VWA3B: variants seen among roughly 807,000 people sequenced by gnomAD.
VWA3B encodes the protein von Willebrand factor A domain containing 3B.
A neutral mutation model predicts 158.3 loss-of-function variants in VWA3B; 138 were observed. The ratio of observed to expected loss-of-function variants is 0.87; its 90% CI spans 0.76 to 1.00. The LOEUF (loss-of-function observed/expected upper bound fraction) is 1.00. Ranked by LOEUF, VWA3B falls within the 50% of genes least tolerant of loss-of-function variation. The pLI, the probability that VWA3B is intolerant of heterozygous loss-of-function variation, is 0.00. For synonymous variants in VWA3B, 596 were observed against 587.3 expected, an observed-to-expected ratio of 1.01 and a Z score of -0.21; for missense variants, 1,555 against 1,565.1, an observed-to-expected ratio of 0.99 and a Z score of 0.11.
chr2:98,321,767 T>C, the VWA3B span, among the ~76,000 whole-genome samples: 1 of 152,176 alleles, frequency 6.6e-6, no homozygotes. Context: ...GTTAAGACTT[T>C]GGGGTACTGT....
chr2:98,187,653 C>T (rs537641529), intron 9 of VWA3B, among the ~76,000 whole-genome samples: 6 of 132,144 alleles, frequency 4.5e-5, no homozygotes, highest in Admixed American at 3.2e-4. Context: ...TCTCCCTCTC[C>T]GTCTCTGTGT....
chr2:98,285,995 T>C (rs75163789), intron 22 of VWA3B, among the ~76,000 whole-genome samples: 3,311 of 152,212 alleles, frequency 0.022, 115 homozygotes, highest in African/African-American at 0.075. Flanking sequence ...TTCCACTTAT[T>C]TTGATAAATT....
intron 19 of VWA3B, chr2:98,245,743 A>G (rs1686351732): frequency 2.8e-6 from 1 of 361,812 alleles, no homozygotes; most frequent in African/African-American, 2.1e-5. Flanking sequence ...CTATTTACAG[A>G]CTTCTAACGG....
chr2:98,299,209 C>A (rs1449714714), intron 24 of VWA3B, among the ~76,000 whole-genome samples: 2 of 152,092 alleles, frequency 1.3e-5, no homozygotes, highest in African/African-American at 4.8e-5. Context: ...GCTTTCCCTG[C>A]CCCCAGACCT....
rs865962541 is a variant in VWA3B at position 98,159,134 on chromosome 2, C to T, written c.989-3717C>T. Among the ~76,000 whole-genome samples, 458 of 152,318 alleles carry T rather than the reference C, an allele frequency of 3.0e-3. 2 individuals carry two copies. The highest frequency in any genetic ancestry group is 0.01 in the African/African-American group (423 of 41,560). On this transcript the variant is annotated intron_variant, in intron 7 of 27. Transcript: ENST00000477737. ...CCTGAGTCTCATTTTATTTGTCAAA[C>T]TAGCCAGTCTGAGAAGTCAATACTA...
chr2:98,193,841 G>A (rs1165286667), intron 11 of VWA3B, among the ~76,000 whole-genome samples: 3 of 152,086 alleles, frequency 2.0e-5, no homozygotes, highest in African/African-American at 7.2e-5. Flanking sequence ...GCCCGCCTCG[G>A]CCTCCCAAAG....
chr2:98,105,709 T>C (rs1296152508), intron 2 of VWA3B, among the ~76,000 whole-genome samples: 5 of 152,002 alleles, frequency 3.3e-5, no homozygotes, highest in Non-Finnish European at 5.9e-5. Flanking sequence ...GCCTAGGTGA[T>C]AGAGTGAGAC....
rs1050854848 is a variant in VWA3B, at chr2:98,160,869, G to A, written c.989-1982G>A. Among the ~76,000 whole-genome samples the A allele has an allele frequency of 3.3e-5, 5 of 152,328 alleles. No individual in the cohort carries two copies. In the South Asian group the frequency reaches 8.3e-4, roughly 25 times the overall value. ...CCGTCTCTGTCAGGGCTTGTCACTT[G>A]CCCCTTTAGGAACATAGCTATTAAT... On this transcript the variant is annotated intron_variant, in intron 7 of 27. Coordinates refer to ENST00000477737, the MANE Select transcript of VWA3B (RefSeq NM_144992.5).
At position 98,297,926 on chromosome 2, in the gene VWA3B, G is replaced by C. The variant is rs1427189460; in HGVS notation, c.3177G>C (p.Val1059=). ...TTCCAGGGGTTGTGAAGAAGTGTGT[G>C]AGCCGCACCCAAGCACTGGTGGGCT... is the stretch of plus-strand genomic sequence containing the variant. ...FYFPGVVKKC[V]SRTQALVGFS... The change falls in exon 24 of 28, where the codon GTG becomes GTC. Residue 1059 remains valine (V), a synonymous_variant. Coordinates refer to ENST00000477737, the MANE Select transcript of VWA3B (RefSeq NM_144992.5). 6.4e-7 allele frequency: 1 copy of C among 1,563,454 alleles called. No individual in the cohort carries two copies. Among genetic ancestry groups the C allele is most frequent in the Admixed American group, 1.9e-5 (1 of 51,890 alleles).
chr2:98,162,403 G>A (rs559447055), intron 7 of VWA3B, among the ~76,000 whole-genome samples: 77 of 152,240 alleles, frequency 5.1e-4, no homozygotes, highest in African/African-American at 1.8e-3. Context: ...CTATTACATT[G>A]GGGGAAATAT....
chr2:98,222,050 G>A (rs1485435156), intron 14 of VWA3B, among the ~76,000 whole-genome samples: 2 of 152,180 alleles, frequency 1.3e-5, no homozygotes, highest in Non-Finnish European at 2.9e-5. Flanking sequence ...GACCAAAGGA[G>A]AAAGTGTGAA....
chr2:98,179,918 TCCTTCCTC>T (rs149247739), intron 8 of VWA3B, among the ~76,000 whole-genome samples: 10,952 of 139,058 alleles, frequency 0.079, 609 homozygotes, highest in East Asian at 0.23. Context: ...TCTCTCTCTC[TCCTTCCTC>T]CCTTCCTCCC....
intron 2 of VWA3B, among the ~76,000 whole-genome samples, chr2:98,096,062 G>C (rs1270561651): frequency 1.3e-5 from 2 of 152,248 alleles, no homozygotes; most frequent in Non-Finnish European, 2.9e-5. Flanking sequence ...TTCATCAGGG[G>C]TATTGGCCTG....
At chr2:98,248,864 TTTCTTTCTTTCTTTCTTTCTCTCTTTC>T (rs1460845731) in intron 19 of VWA3B, among the ~76,000 whole-genome samples, 9 of 23,330 alleles carry the variant, frequency 3.9e-4, no homozygotes, top group Admixed American at 2.7e-3. Context: ...TCTTTCTTTC[TTTCTTTCTTTCTTTCTTTCTCTCTTTC>T]CTTTCTTTCT....
chr2:98,315,676 T>C (rs991925308), downstream of VWA3B, among the ~76,000 whole-genome samples: 3 of 152,106 alleles, frequency 2.0e-5, no homozygotes, highest in Non-Finnish European at 4.4e-5. Flanking sequence ...TCCACATAGA[T>C]GAAAAACTGT....
At chr2:98,149,303 C>G (rs1677425555) in intron 7 of VWA3B, among the ~76,000 whole-genome samples, 1 of 152,108 alleles carries the variant, frequency 6.6e-6, no homozygotes, top group Non-Finnish European at 1.5e-5. Flanking sequence ...ACAAAACTCA[C>G]AAACAAAGCA....
chr2:98,155,542 C>T (rs1267523341), intron 7 of VWA3B, among the ~76,000 whole-genome samples: 1 of 152,178 alleles, frequency 6.6e-6, no homozygotes, highest in African/African-American at 2.4e-5. Flanking sequence ...GGATGATGAT[C>T]TGGACTCAGG....
chr2:98,200,449 A>G (rs62154932), intron 12 of VWA3B, among the ~76,000 whole-genome samples: 6,671 of 151,784 alleles, frequency 0.044, 223 homozygotes, highest in Non-Finnish European at 0.069. Context: ...GGCTGAGGCA[A>G]GAGAATGGCA....
chr2:98,194,660 A>ATT (rs1017395910), intron 12 of VWA3B, among the ~76,000 whole-genome samples, 168 bp downstream of exon 12: 1 of 151,822 alleles, frequency 6.6e-6, no homozygotes, highest in Non-Finnish European at 1.5e-5. Flanking sequence ...ATCCAATCTC[A>ATT]TTTTGTCAAT....
Sources: allele counts gnomAD v4.1 joint callset (sites outside exome capture counted in the v4.1 genomes callset), GRCh38; gene constraint gnomAD v4.1.1; transcripts MANE v1.5; gene names NCBI Gene and HGNC (gene_info 2026-07-23, HGNC 2026-07-21).